Variants in CDH18 observed in about 807,000 individuals in gnomAD.
The protein encoded by CDH18 is cadherin-18.
In CDH18, 31 loss-of-function variants were observed where a neutral mutation model predicts 67.9. That is an observed-to-expected ratio of 0.46 (90% CI 0.34 to 0.62). The LOEUF is 0.62. CDH18 is among the 20% of genes least tolerant of loss of function. The pLI, the probability that CDH18 is intolerant of heterozygous loss-of-function variation, is 0.01. For missense variants in CDH18, 890 were observed against 975.5 expected (o/e 0.91, Z 1.17); for synonymous variants, 362 against 347.2 (o/e 1.04, Z -0.48).
intron 2 of CDH18, among the ~76,000 whole-genome samples, chr5:20,123,237 C>T (rs1561808901): frequency 6.6e-6 from 1 of 152,082 alleles, no homozygotes; most frequent in Non-Finnish European, 1.5e-5. Context: ...ACAGATTCTG[C>T]ATCATCTAGA....
At chr5:20,359,539 A>T (rs542561406) in intron 1 of CDH18, among the ~76,000 whole-genome samples, 1 of 152,170 alleles carries the variant, frequency 6.6e-6, no homozygotes, top group African/African-American at 2.4e-5. Flanking sequence ...AGTACTTAAC[A>T]TTCTTTAAAC....
At chr5:20,418,803 T>C (rs1747568047) in intron 1 of CDH18, among the ~76,000 whole-genome samples, 1 of 152,106 alleles carries the variant, frequency 6.6e-6, no homozygotes, top group Non-Finnish European at 1.5e-5. Context: ...CCCAAAATCA[T>C]ACGTTGAAAT....
chr5:20,137,054 T>C (rs780216006), intron 2 of CDH18, among the ~76,000 whole-genome samples: 21 of 152,128 alleles, frequency 1.4e-4, no homozygotes, highest in South Asian at 6.2e-4. Context: ...CTGACAATTA[T>C]GTGTCTTGGA....
intron 2 of CDH18, among the ~76,000 whole-genome samples, chr5:19,841,338 G>C (rs1296672089): frequency 1.3e-5 from 2 of 152,070 alleles, no homozygotes; most frequent in Non-Finnish European, 2.9e-5. Flanking sequence ...AATGGCAAGA[G>C]CATTGGAAAG....
At chr5:20,450,319 C>G (rs1750343340) in intron 1 of CDH18, among the ~76,000 whole-genome samples, 1 of 152,070 alleles carries the variant, frequency 6.6e-6, no homozygotes, top group African/African-American at 2.4e-5. Context: ...TGCACTCCAG[C>G]CTGGGCAACA....
At chr5:20,274,024 G>A (rs894806468) in intron 1 of CDH18, among the ~76,000 whole-genome samples, 1 of 152,106 alleles carries the variant, frequency 6.6e-6, no homozygotes, top group Admixed American at 6.6e-5. Context: ...GAGAAACGGA[G>A]ACAAAACATT....
intron 1 of CDH18, among the ~76,000 whole-genome samples, chr5:20,327,425 C>T (rs1200401293): frequency 2.6e-5 from 4 of 152,136 alleles, no homozygotes; most frequent in Non-Finnish European, 4.4e-5. Context: ...CAGAGCCTCA[C>T]GAGAATGTAA....
At chr5:20,075,956 A>G (rs1364450466) in intron 2 of CDH18, among the ~76,000 whole-genome samples, 2 of 152,190 alleles carry the variant, frequency 1.3e-5, no homozygotes, top group Non-Finnish European at 2.9e-5. Context: ...GGAATTCAGG[A>G]GCAGGATGAG....
At chr5:19,816,352 G>T (rs925597996) in intron 3 of CDH18, among the ~76,000 whole-genome samples, 2 of 151,700 alleles carry the variant, frequency 1.3e-5, no homozygotes, top group African/African-American at 4.8e-5. Context: ...ATCATCAATG[G>T]TGTTTTTAAA....
chr5:20,511,784 G>A (rs535756689), intron 1 of CDH18, among the ~76,000 whole-genome samples: 1 of 152,294 alleles, frequency 6.6e-6, no homozygotes, highest in South Asian at 2.1e-4. Flanking sequence ...CCTTTTCAGA[G>A]TTCAATGTGT....
intron 8 of CDH18, among the ~76,000 whole-genome samples, chr5:19,552,389 A>C (rs941076090): frequency 2.6e-5 from 4 of 152,188 alleles, no homozygotes; most frequent in Admixed American, 1.3e-4. Context: ...CTCATCTTTT[A>C]GACTTCAGTT....
At chr5:20,371,578 ATGTGCCTGCAATGG>A (rs1743001652) in intron 1 of CDH18, among the ~76,000 whole-genome samples, 1 of 152,234 alleles carries the variant, frequency 6.6e-6, no homozygotes, top group Admixed American at 6.5e-5. Context: ...ATTTCTAGAA[ATGTGCCTGCAATGG>A]GAAGCAAAGA....
chr5:19,475,014 G>A (rs2126508785), intron 12 of CDH18, among the ~76,000 whole-genome samples: 1 of 152,068 alleles, frequency 6.6e-6, no homozygotes, highest in Admixed American at 6.5e-5. Context: ...CTCTTTTCCT[G>A]CTCAGCTGAT....
At chr5:19,813,602 A>G (rs1461267248) in intron 3 of CDH18, among the ~76,000 whole-genome samples, 1 of 152,114 alleles carries the variant, frequency 6.6e-6, no homozygotes, top group East Asian at 1.9e-4. Context: ...ACTAATAACT[A>G]TTTTGGAACT....
intron 1 of CDH18, among the ~76,000 whole-genome samples, chr5:20,278,063 A>T (rs1351697672): frequency 6.6e-6 from 1 of 152,174 alleles, no homozygotes; most frequent in Non-Finnish European, 1.5e-5. Flanking sequence ...TATTGGCCTT[A>T]AAGTAGATAG....
chr5:20,153,115 G>T (rs1380001577), intron 2 of CDH18, among the ~76,000 whole-genome samples: 1 of 151,354 alleles, frequency 6.6e-6, no homozygotes, highest in Admixed American at 6.6e-5. Flanking sequence ...GCTAATTTTT[G>T]GTATTTTTAG....
At chr5:19,942,307 T>A (rs1471990182) in intron 2 of CDH18, among the ~76,000 whole-genome samples, 1 of 152,182 alleles carries the variant, frequency 6.6e-6, no homozygotes, top group Non-Finnish European at 1.5e-5. Flanking sequence ...CTGGAATATG[T>A]TAAATTAGCA....
In CDH18 at chr5:20,437,038, A is replaced by G. The variant is rs150044984; in HGVS notation, c.-580+138424T>C. On this transcript the variant is annotated intron_variant, in intron 1 of 14. Coordinates refer to the CDH18 transcript ENST00000507958. ...AAAATAAATAAAATATTTCCAGAAG[A>G]TACAGAATATATCTCTAGTTAATTG... Among the ~76,000 whole-genome samples the G allele has an allele frequency of 5.1e-3, 766 of 149,364 alleles. 2 individuals carry two copies. The highest frequency in any genetic ancestry group is 8.1e-3 in the South Asian group (39 of 4,822).
chr5:20,289,719 C>G (rs970398551), intron 1 of CDH18, among the ~76,000 whole-genome samples: 3 of 151,650 alleles, frequency 2.0e-5, no homozygotes, highest in African/African-American at 7.3e-5. Flanking sequence ...ATTTTAATTG[C>G]TTACATTTAA....
Sources: allele counts gnomAD v4.1 joint callset (sites outside exome capture counted in the v4.1 genomes callset), GRCh38; gene constraint gnomAD v4.1.1; transcripts MANE v1.5; gene names NCBI Gene and HGNC (gene_info 2026-07-23, HGNC 2026-07-21).